The following SORCS3 variants were observed in gnomAD, a reference collection of about 807,000 sequenced individuals.
SORCS3 encodes the protein VPS10 domain-containing receptor SorCS3.
Under a neutral mutation model 146.3 loss-of-function variants are expected in SORCS3, and 57 were observed. That is an observed-to-expected ratio of 0.39 (90% CI 0.31 to 0.49). The LOEUF is 0.49. SORCS3 is among the 20% of genes least tolerant of loss of function. The probability of loss-of-function intolerance (pLI) is 0.92; values close to 1 mark genes in which losing one functional copy is unlikely to be tolerated. For synonymous variants in SORCS3, 653 were observed against 618.5 expected (o/e 1.06, Z -0.83); for missense variants, 1,341 against 1,575.5 (o/e 0.85, Z 2.52).
chr10:104,984,383 G>A (rs957232248), intron 4 of SORCS3, among the ~76,000 whole-genome samples: 6 of 152,020 alleles, frequency 3.9e-5, no homozygotes, highest in African/African-American at 7.2e-5. Context: ...ACCCAGTGTC[G>A]GGTATTATAT....
intron 5 of SORCS3, among the ~76,000 whole-genome samples, chr10:105,071,637 C>T (rs890191414): frequency 4.6e-5 from 7 of 152,122 alleles, no homozygotes; most frequent in African/African-American, 1.4e-4. Context: ...AAAAGGGTAT[C>T]GATCCCGTCA....
At chr10:104,795,740 GA>G (rs1158946955) in intron 1 of SORCS3, among the ~76,000 whole-genome samples, 1 of 152,242 alleles carries the variant, frequency 6.6e-6, no homozygotes, top group African/African-American at 2.4e-5. Flanking sequence ...GAAGAGACCA[GA>G]GATGATGGGA....
chr10:105,100,091 T>C (rs1350466327), intron 6 of SORCS3, among the ~76,000 whole-genome samples: 1 of 152,176 alleles, frequency 6.6e-6, no homozygotes, highest in East Asian at 1.9e-4. Context: ...TAAATGATGT[T>C]ACAATGCTCC....
intron 1 of SORCS3, among the ~76,000 whole-genome samples, chr10:104,751,032 A>AAG (rs141948369): frequency 0.41 from 62,376 of 151,756 alleles, 12,913 homozygotes; most frequent in South Asian, 0.49. Context: ...GACAAATTGG[A>AAG]AGACATACAA....
intron 4 of SORCS3, among the ~76,000 whole-genome samples, chr10:104,977,946 G>T (rs538347817): frequency 3.6e-4 from 54 of 151,892 alleles, no homozygotes; most frequent in African/African-American, 1.3e-3. Context: ...TGGCCAGGAT[G>T]GTCTCGATCT....
intron 5 of SORCS3, among the ~76,000 whole-genome samples, chr10:105,072,307 C>T (rs1433389946): frequency 6.6e-6 from 1 of 152,130 alleles, no homozygotes; most frequent in Non-Finnish European, 1.5e-5. Context: ...ATCTTGTAAA[C>T]TTTCTGAATC....
At chr10:104,977,862 G>C (rs975268084) in intron 4 of SORCS3, among the ~76,000 whole-genome samples, 1 of 151,204 alleles carries the variant, frequency 6.6e-6, no homozygotes, top group African/African-American at 2.4e-5. Context: ...CTCCTGAGTG[G>C]CTCGGATTAC....
intron 2 of SORCS3, among the ~76,000 whole-genome samples, chr10:104,892,264 G>A (rs80076070): frequency 6.6e-6 from 1 of 152,156 alleles, no homozygotes; most frequent in African/African-American, 2.4e-5. Flanking sequence ...TAAGCTAGTT[G>A]GGATTAGGTA....
intron 9 of SORCS3, among the ~76,000 whole-genome samples, chr10:105,148,280 C>A (rs2056146123): frequency 6.6e-6 from 1 of 151,920 alleles, no homozygotes. Flanking sequence ...TTCTAAGATT[C>A]CACCAGATGC....
intron 3 of SORCS3, among the ~76,000 whole-genome samples, chr10:104,948,258 G>T (rs1477283255): frequency 1.3e-5 from 2 of 152,274 alleles, no homozygotes; most frequent in South Asian, 2.1e-4. Context: ...TGTCCACGGG[G>T]TTATGCTGTG....
intron 1 of SORCS3, among the ~76,000 whole-genome samples, chr10:104,732,543 C>A (rs760966586): frequency 2.0e-5 from 3 of 152,176 alleles, no homozygotes; most frequent in African/African-American, 4.8e-5. Context: ...TTGCTGTGCC[C>A]CCAAGGGGGT....
intron 1 of SORCS3, among the ~76,000 whole-genome samples, chr10:104,710,215 A>G (rs960366542): frequency 4.6e-5 from 7 of 152,166 alleles, no homozygotes; most frequent in African/African-American, 1.7e-4. Context: ...CTGAGTCTGC[A>G]TTTTCCTTTG....
At chr10:104,758,021 G>A (rs1018382516) in intron 1 of SORCS3, among the ~76,000 whole-genome samples, 5 of 152,148 alleles carry the variant, frequency 3.3e-5, no homozygotes, top group Non-Finnish European at 7.3e-5. Flanking sequence ...AAAAACAGGA[G>A]AATTTTCAGC....
At chr10:105,257,923 A>T (rs1272897538) in intron 25 of SORCS3, among the ~76,000 whole-genome samples, 1 of 152,144 alleles carries the variant, frequency 6.6e-6, no homozygotes, top group Non-Finnish European at 1.5e-5. Flanking sequence ...AAGCCTGGGT[A>T]AAGTAAAAAT....
At position 104,973,471 on chromosome 10, in the gene SORCS3, G is replaced by A. The variant is rs182074957; in HGVS notation, c.796-3864G>A. On this transcript the variant is annotated intron_variant, in intron 3 of 26. Coordinates refer to ENST00000369701, the MANE Select transcript of SORCS3 (RefSeq NM_014978.3). Reference sequence around the variant, plus strand: ...TTATCCATTTCTTCTAGATTTTCTAGTTTATTTCTGTAGAGGTGTTTGTAG... The same window carrying A: ...TTATCCATTTCTTCTAGATTTTCTAATTTATTTCTGTAGAGGTGTTTGTAG... Among the ~76,000 whole-genome samples the A allele has an allele frequency of 8.3e-3, 1,270 of 152,240 alleles. 17 individuals carry two copies. Among genetic ancestry groups the A allele is most frequent in the African/African-American group, 0.029 (1,199 of 41,528 alleles).
chr10:105,098,713 GA>G (rs759876798), intron 6 of SORCS3, among the ~76,000 whole-genome samples: 3 of 152,288 alleles, frequency 2.0e-5, no homozygotes, highest in Non-Finnish European at 4.4e-5. Context: ...ATAGTTCCTA[GA>G]ACACCAAACA....
chr10:105,203,861 T>G (rs1414147836), intron 16 of SORCS3, among the ~76,000 whole-genome samples: 2 of 152,230 alleles, frequency 1.3e-5, no homozygotes, highest in Non-Finnish European at 2.9e-5. Flanking sequence ...CTGCTGCTGT[T>G]GATGCTGTTG....
At chr10:105,203,974 GT>G in intron 16 of SORCS3, among the ~76,000 whole-genome samples, 1 of 152,182 alleles carries the variant, frequency 6.6e-6, no homozygotes, top group South Asian at 2.1e-4. Context: ...GGATCTTGGG[GT>G]CTGATCCATT....
At chr10:104,828,328 ATTG>A (rs1249576983) in intron 1 of SORCS3, among the ~76,000 whole-genome samples, 4 of 152,116 alleles carry the variant, frequency 2.6e-5, no homozygotes, top group African/African-American at 9.7e-5. Context: ...TAAATTCAGT[ATTG>A]TTGTGTCTCA....
Sources: gnomAD v4.1 joint callset for allele counts (sites outside exome capture counted in the v4.1 genomes callset) on GRCh38, gnomAD v4.1.1 for gene constraint, MANE v1.5 for transcripts, NCBI Gene and HGNC (gene_info 2026-07-23, HGNC 2026-07-21) for gene names.